TRMT9B: variants seen among roughly 807,000 people sequenced by gnomAD.
The protein encoded by TRMT9B is probable tRNA methyltransferase 9B.
Under a neutral mutation model 11.5 loss-of-function variants are expected in TRMT9B, and 16 were observed. The observed-to-expected ratio is 1.39, with a 90% CI of 0.94 to 2.11. The LOEUF (loss-of-function observed/expected upper bound fraction) is 2.11, where lower values mean the gene tolerates loss of function less well. Among genes scored for constraint, TRMT9B ranks in the 30% most tolerant of loss-of-function variants. TRMT9B has a pLI of 0.00. For synonymous variants in TRMT9B, 274 were observed against 192.4 expected, an observed-to-expected ratio of 1.42 and a Z score of -3.51; for missense variants, 941 against 553.8, an observed-to-expected ratio of 1.70 and a Z score of -7.02.
chr8:12,982,705 T>C (rs1805616124), intron 1 of TRMT9B, among the ~76,000 whole-genome samples: 1 of 152,130 alleles, frequency 6.6e-6, no homozygotes, highest in Non-Finnish European at 1.5e-5. Flanking sequence ...GTTTATTTTT[T>C]TAGTACAGGT....
intron 3 of TRMT9B, chr8:13,007,411 C>G (rs992337833): frequency 6.6e-6 from 1 of 152,208 alleles, no homozygotes; most frequent in Non-Finnish European, 1.5e-5. Context: ...AAGGCCTACC[C>G]ACCTAAAACT....
chr8:13,005,760 G>A (rs1234368607), intron 2 of TRMT9B, among the ~76,000 whole-genome samples: 1 of 152,186 alleles, frequency 6.6e-6, no homozygotes, highest in South Asian at 2.1e-4. Context: ...CAGAGACATG[G>A]CTGGAACCCA....
Position 12,945,884 on chromosome 8 carries a change from A to C in TRMT9B, c.-282A>C, listed in dbSNP as rs932104315. 2.0e-5 allele frequency: 3 copies of C among 152,140 alleles called. No homozygotes were observed. The highest frequency in any genetic ancestry group is 4.4e-5 in the Non-Finnish European group (3 of 68,026). 9.4% of individuals were successfully genotyped at this position (152,140 alleles called of 1,614,324 possible). ...CTCTGGACTAGACTTTCAGGATCTA[A>C]GGCTGAATCCTACACAGTCCTCCCT... is the stretch of plus-strand genomic sequence containing the variant. On this transcript the variant is annotated 5_prime_UTR_variant, in exon 1 of 5. Coordinates refer to ENST00000524591, the MANE Select transcript of TRMT9B (RefSeq NM_020844.3).
At position 13,012,630 on chromosome 8, in the gene TRMT9B, G is replaced by A. The variant is rs12156247; in HGVS notation, c.155-54G>A. On this transcript the variant is annotated intron_variant, in intron 3 of 4. Coordinates refer to ENST00000524591, the MANE Select transcript of TRMT9B (RefSeq NM_020844.3). ...TATTTCTTGTTATGAGACAAATGAA[G>A]TATTTCACATTTTCCATTGAGGATA... 10,398 of 1,520,830 alleles carry A rather than the reference G, an allele frequency of 6.8e-3. 568 individuals are homozygous for A. In the African/African-American group the frequency reaches 0.12, roughly 17 times the overall value. 94.2% of individuals were successfully genotyped at this position (1,520,830 alleles called of 1,614,324 possible).
chr8:12,980,265 T>C (rs1290910074), intron 1 of TRMT9B, among the ~76,000 whole-genome samples: 2 of 152,186 alleles, frequency 1.3e-5, no homozygotes. Context: ...CTCTTTGGCT[T>C]GTGCTAGTGT....
In TRMT9B at chr8:13,027,143, C is replaced by G. The variant is rs1208322568; in HGVS notation, c.*5099C>G. 6.0e-6 allele frequency: 1 copy of G among 167,006 alleles called. No homozygotes were observed. The highest frequency in any genetic ancestry group is 1.9e-4 in the East Asian group (1 of 5,194). 10.3% of individuals were successfully genotyped at this position (167,006 alleles called of 1,614,324 possible). On this transcript the variant is annotated 3_prime_UTR_variant, in exon 5 of 5. Coordinates refer to ENST00000524591, the MANE Select transcript of TRMT9B (RefSeq NM_020844.3). ...TCATTCACTCCATTTGTTTACTAAG[C>G]CCTGCTGTGTGCTGGATACACAGTC...
rs183386098 is a variant in TRMT9B, at chr8:12,994,918, G to C, written c.-2+3887G>C. Among the ~76,000 whole-genome samples the C allele has an allele frequency of 8.5e-5, 13 of 152,306 alleles. No individual in the cohort carries two copies. The East Asian group carries it at 2.5e-3, about 29-fold the overall frequency. ...GCTGGTCTCGAACTCTCGACCTCAG[G>C]TGATCCACTCGCCTCGGCCTCCCAA... is the stretch of plus-strand genomic sequence containing the variant. On this transcript the variant is annotated intron_variant, in intron 2 of 4. Transcript: ENST00000524591.
chr8:12,977,157 C>T (rs892294355), intron 1 of TRMT9B, among the ~76,000 whole-genome samples: 6 of 152,206 alleles, frequency 3.9e-5, no homozygotes, highest in African/African-American at 1.2e-4. Flanking sequence ...GGAAGGTGAC[C>T]CCAGACAATC....
chr8:12,946,155 G>C (rs769837619), intron 1 of TRMT9B, among the ~76,000 whole-genome samples, 189 bp downstream of exon 1: 6 of 152,126 alleles, frequency 3.9e-5, no homozygotes, highest in Non-Finnish European at 8.8e-5. Flanking sequence ...TTATACAAAG[G>C]TTAGTGATAA....
chr8:12,966,858 T>C (rs1161920458), intron 1 of TRMT9B, among the ~76,000 whole-genome samples: 1 of 152,198 alleles, frequency 6.6e-6, no homozygotes. Context: ...AGGCCTTGTT[T>C]TCCCAGAGGA....
At chr8:13,020,962 T>C in intron 4 of TRMT9B, 46 bp from the exon 5 acceptor site, 1 of 1,319,856 alleles carries the variant, frequency 7.6e-7, no homozygotes, top group East Asian at 2.5e-5. Flanking sequence ...CGTGTGTGGG[T>C]TTATGTGTGT....
rs1218240882 is a variant in TRMT9B, at chr8:13,028,341, A to G, written c.*6297A>G. 6.0e-6 allele frequency: 1 copy of G among 167,070 alleles called. No individual in the cohort carries two copies. The highest frequency in any genetic ancestry group is 1.5e-5 in the Non-Finnish European group (1 of 68,122). The allele number at this position is 167,070 out of a possible 1,614,324, so 10.3% of individuals were successfully genotyped here. ...ACAAATAAATACTAGAGCTGCAGAA[A>G]GTAAAGTTTACTCCAACCCAATTAA... is the stretch of plus-strand genomic sequence containing the variant. On this transcript the variant is annotated 3_prime_UTR_variant, in exon 5 of 5. Coordinates refer to ENST00000524591, the MANE Select transcript of TRMT9B (RefSeq NM_020844.3).
chr8:12,983,131 G>C (rs546229741), intron 1 of TRMT9B, among the ~76,000 whole-genome samples: 1 of 152,270 alleles, frequency 6.6e-6, no homozygotes, highest in Non-Finnish European at 1.5e-5. Flanking sequence ...ACCCCTATGA[G>C]TAACACTGAT....
intron 3 of TRMT9B, among the ~76,000 whole-genome samples, chr8:13,010,027 A>G (rs531795746): frequency 4.7e-4 from 71 of 152,096 alleles, no homozygotes; most frequent in Non-Finnish European, 8.2e-4. Flanking sequence ...AGTCTCAGCT[A>G]CTTGGGAGGC....
At chr8:13,010,926 A>G (rs1811473535) in intron 3 of TRMT9B, 1 of 921,110 alleles carries the variant, frequency 1.1e-6, no homozygotes, top group Admixed American at 6.6e-5. Context: ...GATCAAAGAA[A>G]TAATATCATA....
chr8:12,963,171 C>G (rs1585103994), intron 1 of TRMT9B, among the ~76,000 whole-genome samples: 1 of 152,150 alleles, frequency 6.6e-6, no homozygotes, highest in Non-Finnish European at 1.5e-5. Flanking sequence ...TGGTGGCTCA[C>G]TCCTGTAATC....
At position 13,026,333 on chromosome 8, in the gene TRMT9B, C is replaced by G; in HGVS notation, c.*4289C>G. ...ATAGGTGGGAATTGAACAATGAGAACACATGGACACAGTAAGGGGAACATC... is the reference window on the plus strand; with the variant it reads ...ATAGGTGGGAATTGAACAATGAGAAGACATGGACACAGTAAGGGGAACATC... On this transcript the variant is annotated 3_prime_UTR_variant, in exon 5 of 5. Transcript: ENST00000524591. 1 of 167,142 alleles carries G rather than the reference C, an allele frequency of 6.0e-6. No homozygotes were observed. 10.4% of individuals were successfully genotyped at this position (167,142 alleles called of 1,614,324 possible).
rs368438589 is a variant in TRMT9B, at chr8:12,955,349, G to T, written c.-200+9383G>T. ...ATGATGAGGTGGTAGGGGAAGGAGGGCACTTGAGGAGTTTGGTGTATGGTC... is the reference window on the plus strand; with the variant it reads ...ATGATGAGGTGGTAGGGGAAGGAGGTCACTTGAGGAGTTTGGTGTATGGTC... On this transcript the variant is annotated intron_variant, in intron 1 of 4. Transcript: ENST00000524591. Among the ~76,000 whole-genome samples the T allele has an allele frequency of 6.6e-5, 10 of 152,236 alleles. No individual in the cohort carries two copies. The South Asian group carries it at 1.5e-3, about 22-fold the overall frequency.
In TRMT9B at chr8:13,011,469, G is replaced by GA. The variant is rs1585361185; in HGVS notation, c.155-1210dup. The GA allele has an allele frequency of 8.1e-6, 8 of 985,092 alleles. No homozygotes were observed. The East Asian group carries it at 9.1e-4, about 112-fold the overall frequency. The allele number at this position is 985,092 out of a possible 1,614,324, so 61.0% of individuals were successfully genotyped here. On this transcript the variant is annotated intron_variant, in intron 3 of 4. Transcript: ENST00000524591. The stretch of plus-strand genomic sequence containing the variant: ...ATAGTGGTAGATATCTTTTCAGGTA[G>GA]AAAAATTTCATCAGTAATGCCAATA...
Sources: gnomAD v4.1 joint callset for allele counts (sites outside exome capture counted in the v4.1 genomes callset) on GRCh38, gnomAD v4.1.1 for gene constraint, MANE v1.5 for transcripts, NCBI Gene and HGNC (gene_info 2026-07-23, HGNC 2026-07-21) for gene names.